Variants in MYH10 observed in about 807,000 individuals in gnomAD.
MYH10 encodes the protein myosin-10.
Under a neutral mutation model 257.8 loss-of-function variants are expected in MYH10, and 55 were observed. The ratio of observed to expected loss-of-function variants is 0.21; its 90% CI spans 0.17 to 0.27. MYH10 has a LOEUF of 0.27. MYH10 is among the 10% of genes least tolerant of loss of function. The pLI, the probability that MYH10 is intolerant of heterozygous loss-of-function variation, is 1.00. For missense variants in MYH10, 1,631 were observed against 2,500.6 expected, an observed-to-expected ratio of 0.65 and a Z score of 7.42; for synonymous variants, 854 against 921.7, an observed-to-expected ratio of 0.93 and a Z score of 1.33.
chr17:8,545,676 A>C lies in MYH10; in HGVS notation c.1279-76T>G. The C allele has an allele frequency of 1.4e-6, 2 of 1,477,046 alleles. No individual in the cohort carries two copies. Among genetic ancestry groups the C allele is most frequent in the South Asian group, 1.3e-5 (1 of 79,106 alleles). 91.5% of individuals were successfully genotyped at this position (1,477,046 alleles called of 1,614,324 possible). A position where few individuals can be genotyped will look rare whatever the true frequency, so the allele number is the denominator to read the frequency against. ...CATAAATAGCTGTTTTACGGAATTTAATGTTATACAGCACTCAAAAAACCT... is the reference window on the plus strand; with the variant it reads ...CATAAATAGCTGTTTTACGGAATTTCATGTTATACAGCACTCAAAAAACCT... On this transcript the variant is annotated intron_variant, in intron 12 of 42. Transcript: ENST00000360416. The surrounding 1 kb of genome is among the most constrained non-coding windows in gnomAD (Gnocchi z 4.7).
intron 7 of MYH10, among the ~76,000 whole-genome samples, chr17:8,564,412 T>G (rs945054409): frequency 6.6e-6 from 1 of 152,216 alleles, no homozygotes; most frequent in Non-Finnish European, 1.5e-5. Flanking sequence ...GACATTGATC[T>G]CAACCCAAGG....
rs938005057 is a variant in MYH10 at position 8,494,276 on chromosome 17, T to C, written c.4057-391A>G. 4.1e-4 allele frequency among the ~76,000 whole-genome samples: 62 copies of C among 152,116 alleles called. 1 individual carries two copies. Among genetic ancestry groups the C allele is most frequent in the African/African-American group, 1.4e-3 (60 of 41,410 alleles). ...CAGCCCTTCGAACTAGGATCACCTC[T>C]CCCGTCTTAGGCATCCCTCAGTTAT... On this transcript the variant is annotated intron_variant, in intron 31 of 42. Coordinates refer to ENST00000360416, the MANE Select transcript of MYH10 (RefSeq NM_001256012.3).
chr17:8,515,982 C>G (rs539978918), intron 21 of MYH10, among the ~76,000 whole-genome samples: 10 of 152,230 alleles, frequency 6.6e-5, no homozygotes, highest in Non-Finnish European at 1.0e-4. Flanking sequence ...ACCCAATCTT[C>G]TTATTAAAAA....
chr17:8,584,209 T>A (rs2083813471), intron 4 of MYH10, among the ~76,000 whole-genome samples: 1 of 151,894 alleles, frequency 6.6e-6, no homozygotes, highest in Admixed American at 6.6e-5. Flanking sequence ...CTGGCCTGAG[T>A]TTGCAGAAAC....
chr17:8,520,817 T>G lies in MYH10; in HGVS notation c.2273+61A>C, dbSNP rs553694861. ...AAAAGATTTCCTTATTTTATCACTG[T>G]TTTAATTCATATCAAGATAAACTCT... On this transcript the variant is annotated intron_variant, in intron 19 of 42. Transcript: ENST00000360416. The G allele has an allele frequency of 1.3e-5, 19 of 1,513,598 alleles. 1 individual carries two copies. Among genetic ancestry groups the G allele is most frequent in the South Asian group, 1.0e-4 (8 of 77,390 alleles). The allele number at this position is 1,513,598 out of a possible 1,614,324, so 93.8% of individuals were successfully genotyped here.
rs377742356 is a variant in MYH10 at position 8,490,522 on chromosome 17, G to A, written c.4702C>T (p.Leu1568=). The part of the protein sequence containing the change: ...VHELEKSKRA[L]EQQVEEMRTQ... The stretch of plus-strand genomic sequence containing the variant: ...CTCATTTCCTCCACCTGCTGCTCTA[G>A]GGCCCGTTTGGATTTTTCAAGTTCG... The change falls in exon 35 of 43, where the codon CTA becomes TTA. Residue 1568 remains leucine, a synonymous_variant. Coordinates refer to ENST00000360416, the MANE Select transcript of MYH10 (RefSeq NM_001256012.3). The surrounding 1 kb of genome is among the most constrained non-coding windows in gnomAD (Gnocchi z 4.1). The A allele has an allele frequency of 6.2e-6, 10 of 1,614,056 alleles. No homozygotes were observed. Among genetic ancestry groups the A allele is most frequent in the Non-Finnish European group, 7.6e-6 (9 of 1,180,038 alleles).
At chr17:8,579,860 A>T (rs1300735925) in intron 4 of MYH10, among the ~76,000 whole-genome samples, 1 of 152,152 alleles carries the variant, frequency 6.6e-6, no homozygotes, top group East Asian at 1.9e-4. Flanking sequence ...CCTGAAAAAA[A>T]TTTTATGATT....
chr17:8,501,114 G>A (rs1597662194), intron 28 of MYH10, 144 bp from the exon 29 acceptor site: 1 of 897,578 alleles, frequency 1.1e-6, no homozygotes, highest in Non-Finnish European at 1.7e-6. Context: ...CAGTAGGCTG[G>A]CAGGTCTATT....
At chr17:8,553,885 G>T in intron 8 of MYH10, 70 bp downstream of exon 8, 1 of 1,254,520 alleles carries the variant, frequency 8.0e-7, no homozygotes, top group Non-Finnish European at 1.1e-6. Flanking sequence ...TATCACAGAC[G>T]GTTGCCATGG....
At chr17:8,607,524 A>AC (rs2084857241) in intron 2 of MYH10, among the ~76,000 whole-genome samples, 1 of 152,228 alleles carries the variant, frequency 6.6e-6, no homozygotes, top group South Asian at 2.1e-4. Context: ...TTAAGAAGGA[A>AC]CATTATTAAA....
intron 36 of MYH10, 79 bp downstream of exon 36, chr17:8,487,354 G>C: frequency 2.6e-6 from 4 of 1,557,492 alleles, no homozygotes; most frequent in Non-Finnish European, 3.5e-6. Context: ...GTGCCCCCCA[G>C]CTTCACTGCT....
At chr17:8,585,454 G>A (rs1020259696) in intron 4 of MYH10, among the ~76,000 whole-genome samples, 13 of 151,598 alleles carry the variant, frequency 8.6e-5, no homozygotes, top group Admixed American at 1.3e-4. Flanking sequence ...TTAGCTTGGC[G>A]GTGGACTAAG....
At chr17:8,538,551 A>C (rs1235996875) in intron 14 of MYH10, among the ~76,000 whole-genome samples, 1 of 152,192 alleles carries the variant, frequency 6.6e-6, no homozygotes, top group Non-Finnish European at 1.5e-5. Flanking sequence ...GAATAAGTAG[A>C]ATAATCCTCA....
At chr17:8,499,891 C>T (rs998293896) in intron 29 of MYH10, among the ~76,000 whole-genome samples, 5 of 152,212 alleles carry the variant, frequency 3.3e-5, no homozygotes, top group African/African-American at 1.2e-4. Flanking sequence ...CATCCTGCCT[C>T]AGGGACAAGA....
chr17:8,511,031 T>TATACAC (rs1181467728), intron 24 of MYH10: 13 of 5,108 alleles, frequency 2.5e-3, no homozygotes, highest in South Asian at 0.014. Context: ...TATATATATA[T>TATACAC]ATATATATAT....
In MYH10 at chr17:8,518,969, AG is replaced by A. The variant is rs2081563606; in HGVS notation, c.2274-20del. The stretch of plus-strand genomic sequence containing the variant: ...CTCATATCTGTAAGAGAATATTCCA[AG>A]AAGTATTTTGTAGAAATTTGTGAAC... On this transcript the variant is annotated intron_variant, in intron 19 of 42. Coordinates refer to ENST00000360416, the MANE Select transcript of MYH10 (RefSeq NM_001256012.3). 1 of 1,566,892 alleles carries A rather than the reference AG, an allele frequency of 6.4e-7. No individual in the cohort carries two copies. Among genetic ancestry groups the A allele is most frequent in the African/African-American group, 1.4e-5 (1 of 73,180 alleles).
intron 35 of MYH10, among the ~76,000 whole-genome samples, chr17:8,489,745 A>ACACACACACACACACCCC (rs1258993754): frequency 1.3e-5 from 2 of 150,700 alleles, no homozygotes; most frequent in African/African-American, 4.9e-5. Context: ...ACACACACAC[A>ACACACACACACACACCCC]CCCCAAATCC....
At chr17:8,551,416 T>C (rs544788015) in intron 9 of MYH10, among the ~76,000 whole-genome samples, 1 of 152,286 alleles carries the variant, frequency 6.6e-6, no homozygotes, top group Admixed American at 6.5e-5. Context: ...ACTGTATATG[T>C]GTCTACTTTG....
At chr17:8,624,918 G>A (rs1221094702) in intron 1 of MYH10, among the ~76,000 whole-genome samples, 1 of 152,180 alleles carries the variant, frequency 6.6e-6, no homozygotes, top group Non-Finnish European at 1.5e-5. Flanking sequence ...AGCCAGGCGT[G>A]TTGGTGCATA....
Sources: gnomAD v4.1 joint callset for allele counts (sites outside exome capture counted in the v4.1 genomes callset) on GRCh38, gnomAD v4.1.1 for gene constraint, Gnocchi (gnomAD v3.1) non-coding constraint, MANE v1.5 for transcripts, NCBI Gene and HGNC (gene_info 2026-07-23, HGNC 2026-07-21) for gene names.